MTREX: variants seen among roughly 807,000 people sequenced by gnomAD.
The protein encoded by MTREX is exosome RNA helicase MTR4.
In MTREX, 76 loss-of-function variants were observed where a neutral mutation model predicts 135.4. The ratio of observed to expected loss-of-function variants is 0.56; its 90% confidence interval spans 0.47 to 0.68. The LOEUF (loss-of-function observed/expected upper bound fraction) is 0.68. Among genes scored for constraint, MTREX ranks in the 30% least tolerant of loss-of-function variants. The pLI, the probability that MTREX is intolerant of heterozygous loss-of-function variation, is 0.00. For synonymous variants in MTREX, 404 were observed against 401.6 expected (o/e 1.01, Z -0.07); for missense variants, 920 against 1,262.1 (o/e 0.73, Z 4.11).
intron 11 of MTREX, among the ~76,000 whole-genome samples, chr5:55,348,628 A>T (rs912159351): frequency 1.3e-5 from 2 of 152,166 alleles, no homozygotes; most frequent in African/African-American, 4.8e-5. Context: ...CTACTTTTCC[A>T]TGAGTAAAAG....
At chr5:55,344,300 T>C (rs1271964612) in intron 8 of MTREX, among the ~76,000 whole-genome samples, 1 of 152,192 alleles carries the variant, frequency 6.6e-6, no homozygotes, top group East Asian at 1.9e-4. Context: ...TATTTAGCCC[T>C]GGTTAGGGAA....
At chr5:55,400,517 A>G in intron 21 of MTREX, 96 bp downstream of exon 21, 1 of 767,706 alleles carries the variant, frequency 1.3e-6, no homozygotes, top group Non-Finnish European at 2.0e-6. Context: ...TTAATTGGCT[A>G]AAACAGGAAA....
rs767665929 is a variant in MTREX, at chr5:55,424,747, T to C, written c.3104T>C (p.Val1035Ala). 1.2e-6 allele frequency: 2 copies of C among 1,612,538 alleles called. No homozygotes were observed. Among genetic ancestry groups the C allele is most frequent in the African/African-American group, 1.3e-5 (1 of 74,902 alleles). The change falls in exon 27 of 27, where the codon GTG becomes GCG. Residue 1035 changes from valine to alanine, a missense_variant. Val to Ala is a moderately conservative substitution (Grantham distance 64). Coordinates refer to ENST00000230640, the MANE Select transcript of MTREX (RefSeq NM_015360.5). ...EGITKIKRDI[V>A]FAASLYL ...ATCACCAAAATCAAGAGAGATATTGTGTTTGCTGCCAGCCTCTACTTGTAG... is the reference window on the plus strand; with the variant it reads ...ATCACCAAAATCAAGAGAGATATTGCGTTTGCTGCCAGCCTCTACTTGTAG...
rs186432271 is a variant in MTREX, at chr5:55,354,387, G to A, written c.1533+1118G>A. 3.9e-5 allele frequency among the ~76,000 whole-genome samples: 6 copies of A among 152,272 alleles called. No homozygotes were observed. The East Asian group carries it at 9.6e-4, about 24-fold the overall frequency. ...GGTGAAAGGAAAGTGATGGAACAAAGATTTCTAGTTTGAATTCACATAGCC... is the reference window on the plus strand; with the variant it reads ...GGTGAAAGGAAAGTGATGGAACAAAAATTTCTAGTTTGAATTCACATAGCC... On this transcript the variant is annotated intron_variant, in intron 14 of 26. Transcript: ENST00000230640.
At chr5:55,371,921 T>C (rs1015421605) in intron 16 of MTREX, among the ~76,000 whole-genome samples, 5 of 152,152 alleles carry the variant, frequency 3.3e-5, no homozygotes, top group East Asian at 1.9e-4. Context: ...TTTCAGACTT[T>C]TGACTCACTA....
chr5:55,420,740 A>T (rs1300673704), intron 25 of MTREX, among the ~76,000 whole-genome samples: 3 of 152,168 alleles, frequency 2.0e-5, no homozygotes, highest in African/African-American at 7.2e-5. Context: ...AATGGGAACA[A>T]GGTTTTTTGG....
At chr5:55,316,429 T>G (rs1371138414) in intron 1 of MTREX, among the ~76,000 whole-genome samples, 1 of 152,118 alleles carries the variant, frequency 6.6e-6, no homozygotes, top group African/African-American at 2.4e-5. Flanking sequence ...AAAAAGCTAA[T>G]CCACCATGAC....
intron 19 of MTREX, among the ~76,000 whole-genome samples, chr5:55,392,605 G>A (rs1251221141): frequency 1.3e-5 from 2 of 150,784 alleles, no homozygotes; most frequent in African/African-American, 4.9e-5. Context: ...GCATATTGCA[G>A]CAAGCCATCA....
chr5:55,379,127 G>T lies in MTREX; in HGVS notation c.1984G>T (p.Val662Leu), dbSNP rs1220894969. The T allele has an allele frequency of 6.2e-7, 1 of 1,606,036 alleles. No individual in the cohort carries two copies. The highest frequency in any genetic ancestry group is 8.5e-7 in the Non-Finnish European group (1 of 1,175,050). The change falls in exon 18 of 27, where the codon GTA becomes TTA. Residue 662 changes from valine (V) to leucine (L), a missense_variant and splice_region_variant. Around this residue, in one of 6 missense-constraint regions of MTREX, gnomAD observed 467 missense variants for 589.7 expected, o/e 0.79. Transcript: ENST00000230640. ...PFLQPGRLVK[V>L]KNEGDDFGWG... The stretch of plus-strand genomic sequence containing the variant: ...CTTACTTGCTTTTCTTTCTTTTTAG[G>T]TAAAGAATGAAGGAGATGACTTTGG...
chr5:55,329,127 T>C (rs2112040715), intron 5 of MTREX, among the ~76,000 whole-genome samples: 1 of 152,280 alleles, frequency 6.6e-6, no homozygotes, highest in East Asian at 1.9e-4. Context: ...GAGATTTTGT[T>C]TGCATATGTA....
chr5:55,369,914 T>C (rs1750167754), intron 16 of MTREX, among the ~76,000 whole-genome samples: 1 of 118,868 alleles, frequency 8.4e-6, no homozygotes, highest in African/African-American at 3.6e-5. Context: ...TTTTCTTTTT[T>C]CTTTTTTTTT....
chr5:55,374,268 A>G (rs998827509), intron 16 of MTREX, among the ~76,000 whole-genome samples: 2 of 146,172 alleles, frequency 1.4e-5, no homozygotes, highest in African/African-American at 5.1e-5. Context: ...AAACATTTAT[A>G]TATATATATA....
At chr5:55,401,324 C>T (rs746309832) in intron 21 of MTREX, among the ~76,000 whole-genome samples, 8 of 152,216 alleles carry the variant, frequency 5.3e-5, no homozygotes, top group African/African-American at 1.2e-4. Flanking sequence ...CATGAGCCAC[C>T]GCACCTGGCC....
At chr5:55,421,507 G>C (rs1278271184) in intron 25 of MTREX, among the ~76,000 whole-genome samples, 2 of 152,220 alleles carry the variant, frequency 1.3e-5, no homozygotes, top group Admixed American at 6.5e-5. Flanking sequence ...TGACATGACA[G>C]TGCTCTCTGG....
At chr5:55,406,757 T>C (rs1178328988) in intron 22 of MTREX, among the ~76,000 whole-genome samples, 4 of 152,238 alleles carry the variant, frequency 2.6e-5, no homozygotes, top group Admixed American at 6.5e-5. Context: ...ATAATTTATA[T>C]CATTTTAATT....
At chr5:55,375,712 G>A (rs1045339123) in intron 16 of MTREX, among the ~76,000 whole-genome samples, 7 of 152,122 alleles carry the variant, frequency 4.6e-5, no homozygotes, top group African/African-American at 1.2e-4. Flanking sequence ...AATCACAAGG[G>A]TATTGATTGG....
intron 16 of MTREX, among the ~76,000 whole-genome samples, chr5:55,370,501 A>G (rs1216763691): frequency 1.3e-5 from 2 of 152,136 alleles, no homozygotes; most frequent in African/African-American, 4.8e-5. Context: ...GCCTCTGAAT[A>G]CTTGTATCTA....
intron 6 of MTREX, 39 bp from the exon 7 acceptor site, chr5:55,341,642 C>A: frequency 1.8e-6 from 2 of 1,134,788 alleles, no homozygotes; most frequent in South Asian, 1.5e-5. Flanking sequence ...GCTGTTATGT[C>A]AGAATCCAAC....
At chr5:55,410,955 GAA>G (rs1021495058) in intron 23 of MTREX, among the ~76,000 whole-genome samples, 2 of 152,212 alleles carry the variant, frequency 1.3e-5, no homozygotes, top group East Asian at 3.9e-4. Context: ...AGAAAACTAG[GAA>G]AGTCTGATAA....
Sources: allele counts gnomAD v4.1 joint callset (sites outside exome capture counted in the v4.1 genomes callset), GRCh38; gene constraint gnomAD v4.1.1; regional missense constraint gnomAD v4.1.1; transcripts MANE v1.5; gene names NCBI Gene and HGNC (gene_info 2026-07-23, HGNC 2026-07-21).